Variants in SHISAL2B observed in about 807,000 individuals in gnomAD.
SHISAL2B encodes protein shisa-like-2B.
Under a neutral mutation model 16.5 loss-of-function variants are expected in SHISAL2B, and 12 were observed. That is an observed-to-expected ratio of 0.73 (90% confidence interval 0.47 to 1.18). The LOEUF (loss-of-function observed/expected upper bound fraction) is 1.18. Among genes scored for constraint, SHISAL2B ranks in the 50% most tolerant of loss-of-function variants. The probability of loss-of-function intolerance (pLI) is 0.00; values close to 1 mark genes in which losing one functional copy is unlikely to be tolerated. For missense variants in SHISAL2B, 183 were observed against 193.6 expected, an observed-to-expected ratio of 0.95 and a Z score of 0.33; for synonymous variants, 72 against 75.0, an observed-to-expected ratio of 0.96 and a Z score of 0.21.
At chr5:64,704,232 A>G (rs928597729) in intron 2 of SHISAL2B, among the ~76,000 whole-genome samples, 1 of 152,226 alleles carries the variant, frequency 6.6e-6, no homozygotes, top group Non-Finnish European at 1.5e-5. Context: ...GAAGTCCCCA[A>G]CATTCTTTTG....
chr5:64,703,316 G>A (rs995681915), intron 2 of SHISAL2B, among the ~76,000 whole-genome samples: 13 of 152,084 alleles, frequency 8.5e-5, no homozygotes, highest in African/African-American at 2.9e-4. Context: ...CAGAAGATAG[G>A]GTAATTGGAA....
intron 2 of SHISAL2B, among the ~76,000 whole-genome samples, chr5:64,700,236 C>T (rs1345453884): frequency 6.6e-6 from 1 of 152,032 alleles, no homozygotes; most frequent in East Asian, 1.9e-4. Flanking sequence ...GTCTTAGAGC[C>T]CTGCTTCTCA....
intron 2 of SHISAL2B, among the ~76,000 whole-genome samples, chr5:64,715,452 C>T (rs1742034857): frequency 6.6e-6 from 1 of 151,942 alleles, no homozygotes; most frequent in Admixed American, 6.6e-5. Flanking sequence ...ATTCTTCAAG[C>T]AAAGGAGGCT....
intron 2 of SHISAL2B, among the ~76,000 whole-genome samples, chr5:64,702,890 G>C (rs2112063572): frequency 6.6e-6 from 1 of 151,998 alleles, no homozygotes; most frequent in East Asian, 1.9e-4. Flanking sequence ...TATATATTGT[G>C]GTCTGTTTTG....
intron 2 of SHISAL2B, among the ~76,000 whole-genome samples, chr5:64,705,757 C>T (rs891752689): frequency 3.9e-5 from 6 of 152,122 alleles, no homozygotes; most frequent in Non-Finnish European, 7.4e-5. Flanking sequence ...CCAAGGTTAA[C>T]GACGTATCCC....
At chr5:64,692,497 C>T (rs916676654) in intron 1 of SHISAL2B, among the ~76,000 whole-genome samples, 1 of 152,154 alleles carries the variant, frequency 6.6e-6, no homozygotes, top group Non-Finnish European at 1.5e-5. Flanking sequence ...AGTTATTGAG[C>T]TCTGAGAACA....
chr5:64,717,770 T>C (rs1043208072), intron 2 of SHISAL2B, 119 bp from the exon 3 acceptor site: 28 of 853,152 alleles, frequency 3.3e-5, no homozygotes, highest in African/African-American at 2.1e-4. Flanking sequence ...CTCATACACA[T>C]AGCATTTTCA....
chr5:64,714,304 AG>A (rs1396582609), intron 2 of SHISAL2B, among the ~76,000 whole-genome samples: 1 of 141,688 alleles, frequency 7.1e-6, no homozygotes, highest in Admixed American at 6.9e-5. Flanking sequence ...CTGCAGTGTG[AG>A]GTGTCAGTGT....
At chr5:64,703,067 T>C (rs1469263762) in intron 2 of SHISAL2B, among the ~76,000 whole-genome samples, 1 of 152,230 alleles carries the variant, frequency 6.6e-6, no homozygotes, top group East Asian at 1.9e-4. Flanking sequence ...TCTAGTAGCA[T>C]TCAAGTTTCC....
At position 64,718,050 on chromosome 5, in the gene SHISAL2B, CT is replaced by C; in HGVS notation, c.*29del. On this transcript the variant is annotated 3_prime_UTR_variant, in exon 3 of 3. Transcript: ENST00000389074. ...AAAAATTCTGTGTTTTAAATGCTTA[CT>C]GGAGAGATGGGACAATAAAAATAAA... 6.8e-7 allele frequency: 1 copy of C among 1,473,544 alleles called. No homozygotes were observed. Among genetic ancestry groups the C allele is most frequent in the Non-Finnish European group, 8.9e-7 (1 of 1,124,476 alleles). The allele number at this position is 1,473,544 out of a possible 1,614,324, so 91.3% of individuals were successfully genotyped here.
intron 1 of SHISAL2B, 117 bp from the exon 2 acceptor site, chr5:64,695,390 T>C (rs1741718274): frequency 1.6e-6 from 1 of 613,206 alleles, no homozygotes; most frequent in Non-Finnish European, 2.5e-6. Context: ...TATGCTAAAA[T>C]ACAATTTGGT....
chr5:64,696,921 T>C (rs1292975557), intron 2 of SHISAL2B, among the ~76,000 whole-genome samples: 2 of 152,236 alleles, frequency 1.3e-5, no homozygotes, highest in East Asian at 3.8e-4. Context: ...TTTTGCCCTT[T>C]GACGCTTGTG....
intron 2 of SHISAL2B, among the ~76,000 whole-genome samples, chr5:64,700,121 A>T (rs1741787557): frequency 1.3e-5 from 2 of 151,296 alleles, no homozygotes; most frequent in East Asian, 2.0e-4. Flanking sequence ...AAAGAAAAAG[A>T]TGGCTGTGTG....
At chr5:64,712,722 C>T (rs1313535117) in intron 2 of SHISAL2B, among the ~76,000 whole-genome samples, 4 of 152,012 alleles carry the variant, frequency 2.6e-5, no homozygotes, top group African/African-American at 4.8e-5. Context: ...TCTGGGTGCT[C>T]CTGTATTGGG....
intron 2 of SHISAL2B, among the ~76,000 whole-genome samples, chr5:64,704,200 A>T (rs967625196): frequency 1.3e-5 from 2 of 152,342 alleles, no homozygotes; most frequent in Admixed American, 6.5e-5. Flanking sequence ...TCTGCCTGAT[A>T]GCCACAAGAT....
intron 2 of SHISAL2B, among the ~76,000 whole-genome samples, chr5:64,705,811 T>TG (rs1741868112): frequency 6.6e-6 from 1 of 152,044 alleles, no homozygotes. Flanking sequence ...CCAAGGTGGG[T>TG]GGGGATACAG....
intron 2 of SHISAL2B, among the ~76,000 whole-genome samples, chr5:64,717,636 C>T (rs1742076103): frequency 6.6e-6 from 1 of 152,066 alleles, no homozygotes; most frequent in African/African-American, 2.4e-5. Flanking sequence ...AGTTATTTTC[C>T]TCATGGAAGC....
At chr5:64,703,504 G>C (rs143671332) in intron 2 of SHISAL2B, among the ~76,000 whole-genome samples, 1 of 152,142 alleles carries the variant, frequency 6.6e-6, no homozygotes, top group Non-Finnish European at 1.5e-5. Flanking sequence ...AGTTTTTGAC[G>C]TTATAATAGC....
intron 2 of SHISAL2B, among the ~76,000 whole-genome samples, chr5:64,702,919 A>G (rs1364425145): frequency 1.3e-5 from 2 of 152,182 alleles, no homozygotes; most frequent in African/African-American, 4.8e-5. Context: ...GTTTTGTTAA[A>G]TTGATCCATT....
Sources: gnomAD v4.1 joint callset for allele counts (sites outside exome capture counted in the v4.1 genomes callset) on GRCh38, gnomAD v4.1.1 for gene constraint, MANE v1.5 for transcripts, NCBI Gene and HGNC (gene_info 2026-07-23, HGNC 2026-07-21) for gene names.